SNAP91: variants seen among roughly 807,000 people sequenced by gnomAD.
The protein encoded by SNAP91 is synaptosome associated protein 91, also known as clathrin coat assembly protein AP180.
Under a neutral mutation model 100.3 loss-of-function variants are expected in SNAP91, and 27 were observed. The observed-to-expected ratio is 0.27, with a 90% confidence interval of 0.20 to 0.37. SNAP91 has a LOEUF of 0.37. SNAP91 is among the 10% of genes least tolerant of loss of function. SNAP91 has a pLI of 1.00. For missense variants in SNAP91, 986 were observed against 1,123.7 expected, an observed-to-expected ratio of 0.88 and a Z score of 1.75; for synonymous variants, 404 against 398.6, an observed-to-expected ratio of 1.01 and a Z score of -0.16.
At position 83,607,691 on chromosome 6, in the gene SNAP91, T is replaced by G; in HGVS notation, c.1022+8A>C. 1.3e-6 allele frequency: 2 copies of G among 1,529,234 alleles called. No homozygotes were observed. The highest frequency in any genetic ancestry group is 1.8e-6 in the Non-Finnish European group (2 of 1,125,232). The allele number at this position is 1,529,234 out of a possible 1,614,324, so 94.7% of individuals were successfully genotyped here. ...AATAAACAGTTAACTGCATATTTAT[T>G]TACCAACCTGACTGGGACAGCCGCA... On this transcript the variant is annotated splice_region_variant and intron_variant, in intron 13 of 29. Transcript: ENST00000369694.
chr6:83,588,313 C>T (rs933732923), intron 22 of SNAP91, among the ~76,000 whole-genome samples: 2 of 152,084 alleles, frequency 1.3e-5, no homozygotes, highest in Admixed American at 6.5e-5. Flanking sequence ...AGAAAGTGTA[C>T]ACAATATATA....
intron 2 of SNAP91, among the ~76,000 whole-genome samples, chr6:83,674,124 C>G (rs1286201010): frequency 1.3e-5 from 2 of 152,094 alleles, no homozygotes; most frequent in East Asian, 3.9e-4. Flanking sequence ...CTGGGAACTT[C>G]TTGTTAAGAA....
chr6:83,704,126 G>GA (rs3839439), intron 2 of SNAP91, among the ~76,000 whole-genome samples: 36,010 of 151,908 alleles, frequency 0.24, 4,550 homozygotes, highest in East Asian at 0.43. Context: ...ATACAAAATA[G>GA]AAAAAACAGA....
intron 12 of SNAP91, 144 bp downstream of exon 12, chr6:83,610,506 T>TAA: frequency 2.5e-5 from 6 of 238,350 alleles, no homozygotes; most frequent in Non-Finnish European, 4.2e-5. Flanking sequence ...TTTTGAAAGA[T>TAA]AAAAAAAAAA....
At position 83,552,894 on chromosome 6, in the gene SNAP91, C is replaced by A. The variant is rs1350677067; in HGVS notation, c.*1402G>T. ...AGAGAGAAACGTTATGTTTGCATTT[C>A]TTTGTTCAAGGTGTTTATTGCATCT... On this transcript the variant is annotated 3_prime_UTR_variant, in exon 30 of 30. Coordinates refer to ENST00000369694, the MANE Select transcript of SNAP91 (RefSeq NM_001242792.2). The A allele has an allele frequency of 6.6e-6, 1 of 152,550 alleles. No homozygotes were observed. Among genetic ancestry groups the A allele is most frequent in the East Asian group, 1.9e-4 (1 of 5,190 alleles). The allele number at this position is 152,550 out of a possible 1,614,324, so 9.4% of individuals were successfully genotyped here.
At chr6:83,611,643 A>G (rs1041349132) in intron 11 of SNAP91, among the ~76,000 whole-genome samples, 2 of 151,958 alleles carry the variant, frequency 1.3e-5, no homozygotes, top group African/African-American at 4.8e-5. Flanking sequence ...AATATTATGA[A>G]TTTTTGTCTT....
At chr6:83,587,592 G>A (rs1278100990) in intron 22 of SNAP91, among the ~76,000 whole-genome samples, 1 of 151,904 alleles carries the variant, frequency 6.6e-6, no homozygotes, top group East Asian at 1.9e-4. Flanking sequence ...CAAATGCTAA[G>A]CTTCACTGCA....
chr6:83,569,143 T>C (rs1404817976), intron 26 of SNAP91, among the ~76,000 whole-genome samples: 1 of 152,126 alleles, frequency 6.6e-6, no homozygotes, highest in Non-Finnish European at 1.5e-5. Flanking sequence ...AAAATAACTA[T>C]GCATAAGAGA....
intron 14 of SNAP91, among the ~76,000 whole-genome samples, chr6:83,605,457 A>G (rs1196818159): frequency 6.6e-6 from 1 of 152,188 alleles, no homozygotes; most frequent in African/African-American, 2.4e-5. Context: ...AACTGTTAAA[A>G]TAAAAACTAT....
intron 14 of SNAP91, among the ~76,000 whole-genome samples, chr6:83,602,479 C>T (rs571997801): frequency 6.6e-6 from 1 of 152,076 alleles, no homozygotes; most frequent in African/African-American, 2.4e-5. Flanking sequence ...TTCAAATATG[C>T]TTCAATAATA....
At chr6:83,592,412 G>A in intron 21 of SNAP91, 43 bp downstream of exon 21, 1 of 1,311,350 alleles carries the variant, frequency 7.6e-7, no homozygotes, top group Non-Finnish European at 1.1e-6. Flanking sequence ...TTATTCTGAA[G>A]AAAAAAAGAT....
At position 83,705,320 on chromosome 6, in the gene SNAP91, T is replaced by C. The variant is rs573190910; in HGVS notation, c.130+2478A>G. ...ATTTTTTCATGATAGAATTAAAATTTTTTCATGCATATTATAAAGACTGCA... is the reference window on the plus strand; with the variant it reads ...ATTTTTTCATGATAGAATTAAAATTCTTTCATGCATATTATAAAGACTGCA... On this transcript the variant is annotated intron_variant, in intron 2 of 29. Transcript: ENST00000369694. 4.6e-5 allele frequency among the ~76,000 whole-genome samples: 7 copies of C among 152,326 alleles called. 1 individual carries two copies. Among genetic ancestry groups the C allele is most frequent in the African/African-American group, 1.4e-4 (6 of 41,568 alleles).
chr6:83,641,124 C>G lies in SNAP91; in HGVS notation c.737G>C (p.Arg246Pro). ...TGCAACCTTGAGAAATTCAGACACTCGTGTCATTCTAGTTAGAAATCGTTT... is the reference window on the plus strand; with the variant it reads ...TGCAACCTTGAGAAATTCAGACACTGGTGTCATTCTAGTTAGAAATCGTTT... ...IYKRFLTRMT[R>P]VSEFLKVAEQ... The change falls in exon 8 of 30, where the codon CGA (arginine) becomes CCA (proline). Residue 246 changes from arginine (R) to proline (P), a missense_variant. Physicochemically the swap from Arg to Pro is moderately radical, Grantham distance 103. Transcript: ENST00000369694. 6.5e-6 allele frequency: 10 copies of G among 1,543,318 alleles called. No individual in the cohort carries two copies. Among genetic ancestry groups the G allele is most frequent in the Non-Finnish European group, 8.7e-6 (10 of 1,147,128 alleles).
chr6:83,657,455 A>G (rs2098436081), intron 6 of SNAP91, among the ~76,000 whole-genome samples: 1 of 152,234 alleles, frequency 6.6e-6, no homozygotes, highest in South Asian at 2.1e-4. Flanking sequence ...CAAGGAAAGT[A>G]AAGAAAAATA....
chr6:83,600,163 A>C (rs2128237271), intron 16 of SNAP91, among the ~76,000 whole-genome samples: 1 of 152,272 alleles, frequency 6.6e-6, no homozygotes, highest in East Asian at 1.9e-4. Context: ...TTCCATAGGA[A>C]TGGACAGCAA....
In SNAP91 at chr6:83,580,477, C is replaced by T. The variant is rs1409212268; in HGVS notation, c.2272G>A (p.Asp758Asn). The change falls in exon 24 of 30, where the codon GAT (aspartate) becomes AAT (asparagine). Residue 758 changes from aspartate to asparagine, a missense_variant. Transcript: ENST00000369694. ...CCTACTAAGCTGGCAAGAGATGAATCAAGATCACTTCCAAGGGCTTTGCTG... is the reference window on the plus strand; with the variant it reads ...CCTACTAAGCTGGCAAGAGATGAATTAAGATCACTTCCAAGGGCTTTGCTG... ...AASKALGSDL[D>N]SSLASLVGNL... 2 of 1,611,428 alleles carry T rather than the reference C, an allele frequency of 1.2e-6. No individual in the cohort carries two copies. Among genetic ancestry groups the T allele is most frequent in the African/African-American group, 1.3e-5 (1 of 74,406 alleles).
chr6:83,683,142 T>C (rs933639006), intron 2 of SNAP91, among the ~76,000 whole-genome samples: 1 of 152,154 alleles, frequency 6.6e-6, no homozygotes, highest in Non-Finnish European at 1.5e-5. Flanking sequence ...CACCCTTTTC[T>C]GGCCTTTTTC....
chr6:83,656,209 G>A (rs1562527926), intron 7 of SNAP91, among the ~76,000 whole-genome samples: 1 of 152,106 alleles, frequency 6.6e-6, no homozygotes, highest in African/African-American at 2.4e-5. Flanking sequence ...CTCTCATAAT[G>A]GATAGAGAGC....
chr6:83,610,748 A>ATAT (rs1562331919), intron 11 of SNAP91, 71 bp from the exon 12 acceptor site: 3,530 of 87,590 alleles, frequency 0.04, 543 homozygotes, highest in African/African-American at 0.064. Flanking sequence ...TATATATATA[A>ATAT]ATATATATGT....
Sources: allele counts gnomAD v4.1 joint callset (sites outside exome capture counted in the v4.1 genomes callset), GRCh38; gene constraint gnomAD v4.1.1; transcripts MANE v1.5; gene names NCBI Gene and HGNC (gene_info 2026-07-23, HGNC 2026-07-21).